GRM7: variants seen among roughly 807,000 people sequenced by gnomAD.
GRM7 encodes the protein metabotropic glutamate receptor 7.
Under a neutral mutation model 84.5 loss-of-function variants are expected in GRM7, and 35 were observed. The observed-to-expected ratio is 0.41, with a 90% CI of 0.32 to 0.55. The LOEUF (loss-of-function observed/expected upper bound fraction) is 0.55, where lower values mean the gene tolerates loss of function less well. Among genes scored for constraint, GRM7 ranks in the 20% least tolerant of loss-of-function variants. GRM7 has a pLI of 0.19. For missense variants in GRM7, 1,003 were observed against 1,194.6 expected (o/e 0.84, Z 2.36); for synonymous variants, 487 against 455.1 (o/e 1.07, Z -0.89).
At chr3:7,189,935 A>C (rs1342277400) in intron 2 of GRM7, among the ~76,000 whole-genome samples, 1 of 152,154 alleles carries the variant, frequency 6.6e-6, no homozygotes, top group Admixed American at 6.5e-5. Flanking sequence ...ACAGACCTAC[A>C]CACATATATA....
At chr3:7,695,226 A>G (rs1700972161) in intron 9 of GRM7, among the ~76,000 whole-genome samples, 1 of 152,128 alleles carries the variant, frequency 6.6e-6, no homozygotes. Context: ...GCTGAAGTTA[A>G]TTGCTGAGCT....
intron 2 of GRM7, among the ~76,000 whole-genome samples, chr3:7,200,307 C>T (rs1696021858): frequency 6.6e-6 from 1 of 152,170 alleles, no homozygotes; most frequent in Non-Finnish European, 1.5e-5. Flanking sequence ...AAACCACATT[C>T]AAATCATAGC....
intron 1 of GRM7, among the ~76,000 whole-genome samples, chr3:7,014,096 G>A (rs187296381): frequency 2.0e-3 from 306 of 152,190 alleles, no homozygotes; most frequent in Non-Finnish European, 3.3e-3. Context: ...CTTCTATCTT[G>A]ATGCATGTGG....
intron 8 of GRM7, among the ~76,000 whole-genome samples, chr3:7,625,721 C>T (rs929301919): frequency 6.6e-6 from 1 of 152,150 alleles, no homozygotes; most frequent in South Asian, 2.1e-4. Context: ...TCCCTGTCTG[C>T]TTCTGCCCTG....
chr3:6,925,925 G>A (rs1435322634), intron 1 of GRM7, among the ~76,000 whole-genome samples: 1 of 152,130 alleles, frequency 6.6e-6, no homozygotes, highest in Non-Finnish European at 1.5e-5. Flanking sequence ...TCATGTGAGA[G>A]TATGTCTAGG....
At chr3:7,537,770 T>C (rs1280172342) in intron 7 of GRM7, among the ~76,000 whole-genome samples, 3 of 152,174 alleles carry the variant, frequency 2.0e-5, no homozygotes, top group African/African-American at 7.2e-5. Context: ...AGTGTTTTAG[T>C]GTAGATTATT....
rs183690469 is a variant in GRM7, at chr3:7,188,762, A to G, written c.736+42094A>G. On this transcript the variant is annotated intron_variant, in intron 2 of 9. Transcript: ENST00000357716. The surrounding 1 kb of genome is among the most constrained non-coding windows in gnomAD (Gnocchi z 4.2). ...GTGGACAGCTTTCTCCCATGTGGCA[A>G]TTTTGAGATTCAGCCTCCTTTCCTC... Among the ~76,000 whole-genome samples, 102 of 152,226 alleles carry G rather than the reference A, an allele frequency of 6.7e-4. 1 individual carries two copies. The highest frequency in any genetic ancestry group is 2.2e-3 in the African/African-American group (93 of 41,534).
In GRM7 at chr3:7,370,699, C is replaced by T. The variant is rs142103996; in HGVS notation, c.1034-44324C>T. Among the ~76,000 whole-genome samples, 910 of 152,172 alleles carry T rather than the reference C, an allele frequency of 6.0e-3. 9 individuals are homozygous for T. The highest frequency in any genetic ancestry group is 0.021 in the African/African-American group (873 of 41,516). On this transcript the variant is annotated intron_variant, in intron 4 of 9. Transcript: ENST00000357716. ...AATGTCTAAAAAATATGACTAGAAA[C>T]GACTCCCCTCCTTCCCTGCCTTCAG...
chr3:7,539,071 C>T (rs1692718013), intron 7 of GRM7, among the ~76,000 whole-genome samples: 1 of 152,132 alleles, frequency 6.6e-6, no homozygotes, highest in South Asian at 2.1e-4. Flanking sequence ...AATTAACTTT[C>T]AGATGATTGA....
intron 1 of GRM7, among the ~76,000 whole-genome samples, chr3:7,121,147 G>T (rs531328713): frequency 4.6e-5 from 7 of 152,208 alleles, no homozygotes; most frequent in African/African-American, 1.7e-4. Flanking sequence ...TTCTGTGACT[G>T]CCAGGAACAC....
At chr3:7,479,262 G>A (rs1008455514) in intron 7 of GRM7, among the ~76,000 whole-genome samples, 2 of 152,018 alleles carry the variant, frequency 1.3e-5, no homozygotes, top group Non-Finnish European at 2.9e-5. Flanking sequence ...CACAGGGAAT[G>A]TCTAGAAAAG....
intron 2 of GRM7, among the ~76,000 whole-genome samples, chr3:7,291,940 T>C (rs1699645111): frequency 6.6e-6 from 1 of 152,162 alleles, no homozygotes; most frequent in Admixed American, 6.5e-5. Flanking sequence ...TGAATAAGTC[T>C]CAGGAGATCT....
chr3:7,624,625 C>T (rs1446501131), intron 8 of GRM7, among the ~76,000 whole-genome samples: 1 of 152,074 alleles, frequency 6.6e-6, no homozygotes, highest in Non-Finnish European at 1.5e-5. Context: ...AATTTTCTGT[C>T]ATAACTCTGA....
chr3:6,999,670 AG>A (rs1292089478), intron 1 of GRM7, among the ~76,000 whole-genome samples: 1 of 152,234 alleles, frequency 6.6e-6, no homozygotes, highest in Admixed American at 6.5e-5. Context: ...ATGGTGGAAG[AG>A]GAAGCAAACA....
intron 2 of GRM7, among the ~76,000 whole-genome samples, chr3:7,291,394 G>T (rs1398764073): frequency 1.3e-5 from 2 of 152,028 alleles, no homozygotes. Flanking sequence ...CTTTTAAGGA[G>T]TAGGTCATCC....
At chr3:7,045,781 C>A (rs145940929) in intron 1 of GRM7, among the ~76,000 whole-genome samples, 1 of 152,156 alleles carries the variant, frequency 6.6e-6, no homozygotes, top group Non-Finnish European at 1.5e-5. Flanking sequence ...ATTCATCTGT[C>A]AGTGGACATT....
intron 7 of GRM7, among the ~76,000 whole-genome samples, chr3:7,514,812 T>C (rs1407578812): frequency 6.6e-6 from 1 of 152,228 alleles, no homozygotes; most frequent in African/African-American, 2.4e-5. Context: ...CTCAGTAGAA[T>C]ACTTTCCATA....
chr3:7,347,259 C>A (rs990796926), intron 4 of GRM7, among the ~76,000 whole-genome samples: 1 of 152,108 alleles, frequency 6.6e-6, no homozygotes, highest in African/African-American at 2.4e-5. Context: ...TATTTCAAGG[C>A]TGCTCCTTAT....
intron 4 of GRM7, among the ~76,000 whole-genome samples, chr3:7,313,977 A>G (rs890960835): frequency 2.6e-5 from 4 of 152,188 alleles, no homozygotes; most frequent in Non-Finnish European, 5.9e-5. Context: ...TTGAAATTAG[A>G]AATGTATAAA....
Sources: allele counts gnomAD v4.1 joint callset (sites outside exome capture counted in the v4.1 genomes callset), GRCh38; gene constraint gnomAD v4.1.1; non-coding constraint Gnocchi (gnomAD v3.1); transcripts MANE v1.5; gene names NCBI Gene and HGNC (gene_info 2026-07-23, HGNC 2026-07-21).